The following ARL10 variants were observed in gnomAD, a reference collection of about 807,000 sequenced individuals.
ARL10 encodes ADP-ribosylation factor-like protein 10.
In ARL10, 23 loss-of-function variants were observed where a neutral mutation model predicts 26.1. The ratio of observed to expected loss-of-function variants is 0.88; its 90% confidence interval spans 0.63 to 1.25. The LOEUF is 1.25. Ranked by LOEUF, ARL10 falls within the 50% of genes most tolerant of loss-of-function variation. The pLI, the probability that ARL10 is intolerant of heterozygous loss-of-function variation, is 0.00. For missense variants in ARL10, 300 were observed against 323.6 expected (o/e 0.93, Z 0.56); for synonymous variants, 138 against 149.1 (o/e 0.93, Z 0.54).
chr5:176,375,315 T>G lies in ARL10; in HGVS notation c.*3420T>G, dbSNP rs1487092584. 1.8e-5 allele frequency: 1 copy of G among 54,848 alleles called. No individual in the cohort carries two copies. The highest frequency in any genetic ancestry group is 4.4e-5 in the Non-Finnish European group (1 of 22,640). The allele number at this position is 54,848 out of a possible 1,614,324, so 3.4% of individuals were successfully genotyped here. A position where few individuals can be genotyped will look rare whatever the true frequency, so the allele number is the denominator to read the frequency against. ...ATCCATCCATCCATCCATCCATCCA[T>G]CCATCCATCCATCCATCCATCATCC... On this transcript the variant is annotated 3_prime_UTR_variant, in exon 4 of 4. Coordinates refer to ENST00000310389, the MANE Select transcript of ARL10 (RefSeq NM_173664.6).
At chr5:176,384,440 G>A, downstream of ARL10, 1 of 1,502,520 alleles carries the variant, frequency 6.7e-7, no homozygotes, top group South Asian at 1.3e-5. Flanking sequence ...AACTCATCCT[G>A]AATTAGGCAA....
At chr5:176,397,813 G>C in intron 1 of ARL10, 1 of 1,486,102 alleles carries the variant, frequency 6.7e-7, no homozygotes, top group Non-Finnish European at 9.4e-7. Flanking sequence ...CAGCCACAGG[G>C]CCGCACCGGC....
chr5:176,399,611 A>G (rs1461122342), intron 1 of ARL10, among the ~76,000 whole-genome samples: 1 of 151,986 alleles, frequency 6.6e-6, no homozygotes, highest in Non-Finnish European at 1.5e-5. Context: ...ATGGAAAAAA[A>G]GGCCAGGCAC....
chr5:176,405,503 A>AAAAAAAAAAAAAAAAAAAG (rs1757061533), downstream of ARL10: 1 of 143,918 alleles, frequency 6.9e-6, no homozygotes, highest in African/African-American at 2.5e-5. Context: ...AAAAAAAAAA[A>AAAAAAAAAAAAAAAAAAAG]AAAAAGAAAA....
chr5:176,412,098 C>T, the ARL10 span, among the ~76,000 whole-genome samples: 1 of 151,592 alleles, frequency 6.6e-6, no homozygotes, highest in Non-Finnish European at 1.5e-5. Flanking sequence ...ATGGTGTGAA[C>T]CCGGGAGGCG....
At chr5:176,410,964 T>G in the ARL10 span, among the ~76,000 whole-genome samples, 24 of 152,296 alleles carry the variant, frequency 1.6e-4, no homozygotes, top group Admixed American at 3.3e-4. Context: ...GCTACAACAC[T>G]GACATTCACA....
At chr5:176,384,473 G>T, downstream of ARL10, 1 of 1,234,184 alleles carries the variant, frequency 8.1e-7, no homozygotes, top group Non-Finnish European at 1.1e-6. Flanking sequence ...CTATCCCTGA[G>T]GTCCAGAATC....
Position 176,375,106 on chromosome 5 carries a change from A to ATCCATCCATCCC in ARL10, c.*3214_*3215insATCCATCCCTCC, listed in dbSNP as rs1768647509. The ATCCATCCATCCC allele has an allele frequency of 7.0e-6, 1 of 142,378 alleles. No individual in the cohort carries two copies. Among genetic ancestry groups the ATCCATCCATCCC allele is most frequent in the Non-Finnish European group, 1.6e-5 (1 of 64,388 alleles). 8.8% of individuals were successfully genotyped at this position (142,378 alleles called of 1,614,324 possible). A position where few individuals can be genotyped will look rare whatever the true frequency, so the allele number is the denominator to read the frequency against. On this transcript the variant is annotated 3_prime_UTR_variant, in exon 4 of 4. Transcript: ENST00000310389. Reference sequence around the variant, plus strand: ...CATCCATCCATCCATCCATCCATCCATCCCTCCATCCGTCCACCCGTCCAC... The same window carrying ATCCATCCATCCC: ...CATCCATCCATCCATCCATCCATCCATCCATCCATCCCTCCCTCCATCCGTCCACCCGTCCAC...
downstream of ARL10, among the ~76,000 whole-genome samples, chr5:176,393,133 G>A (rs1173332851): frequency 6.6e-6 from 1 of 152,100 alleles, no homozygotes; most frequent in East Asian, 1.9e-4. The surrounding 1 kb of genome is among the most constrained non-coding windows in gnomAD (Gnocchi z 4.4). Context: ...CAGGACCTTG[G>A]CACTTGCTAT....
downstream of ARL10, chr5:176,386,534 T>G: frequency 2.3e-6 from 1 of 431,474 alleles, no homozygotes; most frequent in Non-Finnish European, 4.4e-6. Context: ...CAGTTCATCC[T>G]TAAATTCATG....
downstream of ARL10, chr5:176,385,909 G>GA (rs1184673442): frequency 6.6e-6 from 1 of 152,512 alleles, no homozygotes; most frequent in Non-Finnish European, 1.5e-5. Flanking sequence ...TTCTCATCTA[G>GA]AAAGAGAGAG....
downstream of ARL10, chr5:176,389,014 G>A: frequency 6.2e-7 from 1 of 1,608,470 alleles, no homozygotes; most frequent in East Asian, 2.2e-5. Flanking sequence ...AGAGGACAGT[G>A]ATGTCGGAGG....
At chr5:176,392,680 A>G (rs1036351201), downstream of ARL10, 5 of 1,416,880 alleles carry the variant, frequency 3.5e-6, no homozygotes, top group East Asian at 4.6e-5. The surrounding 1 kb of genome is among the most constrained non-coding windows in gnomAD (Gnocchi z 5.2). Flanking sequence ...GGCTGTGGGT[A>G]GCAGCTGCTG....
At chr5:176,388,699 T>C (rs1009814635), downstream of ARL10, 11 of 1,423,044 alleles carry the variant, frequency 7.7e-6, no homozygotes, top group Middle Eastern at 2.6e-4. Flanking sequence ...ACTCCCAGGA[T>C]GCAACGAGCA....
chr5:176,373,166 C>T lies in ARL10; in HGVS notation c.*1271C>T, dbSNP rs990230077. On this transcript the variant is annotated 3_prime_UTR_variant, in exon 4 of 4. Transcript: ENST00000310389. Reference sequence around the variant, plus strand: ...TGGAAAAAAATTGTATTATGTGATCCTAAGGACAGGAATAGCAGACCAGCC... The same window carrying T: ...TGGAAAAAAATTGTATTATGTGATCTTAAGGACAGGAATAGCAGACCAGCC... The T allele has an allele frequency of 2.5e-6, 1 of 397,412 alleles. No individual in the cohort carries two copies. The highest frequency in any genetic ancestry group is 2.1e-5 in the African/African-American group (1 of 48,620). The allele number at this position is 397,412 out of a possible 1,614,324, so 24.6% of individuals were successfully genotyped here.
At chr5:176,387,806 G>A (rs927226362) in intron 1 of ARL10, among the ~76,000 whole-genome samples, 1 of 152,218 alleles carries the variant, frequency 6.6e-6, no homozygotes, top group Non-Finnish European at 1.5e-5. Flanking sequence ...GGACGCTGAG[G>A]TGGGATATAG....
chr5:176,405,479 C>A (rs1757054067), downstream of ARL10: 1 of 142,884 alleles, frequency 7.0e-6, no homozygotes, highest in Non-Finnish European at 1.5e-5. Context: ...CAGAGCAAGA[C>A]CCTGTCTCTC....
downstream of ARL10, chr5:176,384,853 C>A: frequency 2.1e-6 from 1 of 482,404 alleles, no homozygotes; most frequent in South Asian, 3.5e-5. Flanking sequence ...CCATCATAGC[C>A]AGCTAATCCT....
intron 1 of ARL10, chr5:176,388,110 T>C: frequency 2.9e-6 from 2 of 678,266 alleles, no homozygotes; most frequent in Non-Finnish European, 5.1e-6. Context: ...GTTCTGACTG[T>C]GGGGAGGTCG....
Sources: allele counts gnomAD v4.1 joint callset (sites outside exome capture counted in the v4.1 genomes callset), GRCh38; gene constraint gnomAD v4.1.1; non-coding constraint Gnocchi (gnomAD v3.1); transcripts MANE v1.5; gene names NCBI Gene and HGNC (gene_info 2026-07-23, HGNC 2026-07-21).